RIC1: variants seen among roughly 807,000 people sequenced by gnomAD.
The protein encoded by RIC1 is guanine nucleotide exchange factor subunit RIC1.
Under a neutral mutation model 169.0 loss-of-function variants are expected in RIC1, and 88 were observed. The observed-to-expected ratio is 0.52, with a 90% confidence interval of 0.44 to 0.62. The LOEUF is 0.62. Ranked by LOEUF, RIC1 falls within the 20% of genes least tolerant of loss-of-function variation. The probability of loss-of-function intolerance (pLI) is 0.00; values close to 1 mark genes in which losing one functional copy is unlikely to be tolerated. For missense variants in RIC1, 1,877 were observed against 1,725.5 expected, an observed-to-expected ratio of 1.09 and a Z score of -1.56; for synonymous variants, 790 against 601.5, an observed-to-expected ratio of 1.31 and a Z score of -4.59.
In RIC1 at chr9:5,773,957, G is replaced by T; in HGVS notation, c.3984-1G>T. On this transcript the variant is annotated splice_acceptor_variant, in intron 25 of 25. Coordinates refer to ENST00000414202, the MANE Select transcript of RIC1 (RefSeq NM_020829.4). LOFTEE classifies it high-confidence loss of function. The stretch of plus-strand genomic sequence containing the variant: ...AGCTAATGTTTTTTTTCTCTACATA[G>T]TCCTGGATATAAGCCATTTTTAAAC... The T allele has an allele frequency of 6.3e-7, 1 of 1,594,146 alleles. No individual in the cohort carries two copies. The highest frequency in any genetic ancestry group is 1.8e-5 in the Admixed American group (1 of 56,562).
chr9:5,680,788 C>G (rs1820773772), intron 2 of RIC1, among the ~76,000 whole-genome samples: 1 of 145,948 alleles, frequency 6.9e-6, no homozygotes, highest in East Asian at 2.0e-4. Flanking sequence ...GTTGATCTTT[C>G]CAGAACACCA....
chr9:5,645,813 T>G (rs1322359767), intron 1 of RIC1, among the ~76,000 whole-genome samples: 2 of 152,200 alleles, frequency 1.3e-5, no homozygotes, highest in Non-Finnish European at 2.9e-5. Flanking sequence ...GATGGACACA[T>G]GGGCTGCTTT....
At chr9:5,640,840 C>G (rs188927023) in intron 1 of RIC1, among the ~76,000 whole-genome samples, 10 of 152,214 alleles carry the variant, frequency 6.6e-5, no homozygotes, top group African/African-American at 2.2e-4. Context: ...CTCCTTCATG[C>G]TTGAAGGATA....
intron 8 of RIC1, among the ~76,000 whole-genome samples, chr9:5,741,115 T>C (rs1412035901): frequency 6.6e-6 from 1 of 152,212 alleles, no homozygotes; most frequent in Non-Finnish European, 1.5e-5. Flanking sequence ...GTGTGCTGTT[T>C]TGGATTGGCA....
intron 24 of RIC1, 51 bp downstream of exon 24, chr9:5,772,792 G>C: frequency 6.4e-7 from 1 of 1,565,096 alleles, no homozygotes; most frequent in East Asian, 2.3e-5. Context: ...AGAGTATTTG[G>C]GCAAATAGGT....
Position 5,763,943 on chromosome 9 carries a change from A to C in RIC1, c.2841+75A>C. 3 of 1,460,652 alleles carry C rather than the reference A, an allele frequency of 2.1e-6. No homozygotes were observed. The highest frequency in any genetic ancestry group is 1.8e-6 in the Non-Finnish European group (2 of 1,084,502). 90.5% of individuals were successfully genotyped at this position (1,460,652 alleles called of 1,614,324 possible). ...AGAAAAATAGAAATGTCCTGTTTTG[A>C]CACCATGATTGTGTTTAAGGAATTC... On this transcript the variant is annotated intron_variant, in intron 19 of 25. Transcript: ENST00000414202. This position sits in a 1 kb window ranked among gnomAD's most constrained non-coding sequence, Gnocchi z 5.2.
At chr9:5,684,699 C>T (rs879507095) in intron 2 of RIC1, among the ~76,000 whole-genome samples, 5 of 152,042 alleles carry the variant, frequency 3.3e-5, no homozygotes, top group Non-Finnish European at 5.9e-5. Flanking sequence ...AATTTATATA[C>T]CTTTTCTTTT....
chr9:5,630,373 G>A (rs1468187047), intron 1 of RIC1, among the ~76,000 whole-genome samples: 1 of 152,232 alleles, frequency 6.6e-6, no homozygotes, highest in Non-Finnish European at 1.5e-5. Flanking sequence ...CGATGTCAGA[G>A]TGAAGTTTTT....
chr9:5,638,325 G>T (rs1286797054), intron 1 of RIC1, among the ~76,000 whole-genome samples: 2 of 152,154 alleles, frequency 1.3e-5, no homozygotes, highest in Non-Finnish European at 2.9e-5. Context: ...ATGTGTCTTT[G>T]TCTGGGTTTG....
intron 3 of RIC1, among the ~76,000 whole-genome samples, chr9:5,710,020 A>T (rs1439441451): frequency 6.6e-6 from 1 of 152,180 alleles, no homozygotes; most frequent in African/African-American, 2.4e-5. Context: ...GCTGAAATAA[A>T]ATTCCCATCT....
intron 1 of RIC1, among the ~76,000 whole-genome samples, chr9:5,645,740 A>G (rs1818475523): frequency 6.6e-6 from 1 of 152,118 alleles, no homozygotes; most frequent in African/African-American, 2.4e-5. Flanking sequence ...CTTCCTTCTT[A>G]AGGCTGAATG....
intron 4 of RIC1, among the ~76,000 whole-genome samples, chr9:5,714,233 ATTTATAT>A (rs1351844598): frequency 2.0e-5 from 3 of 152,170 alleles, no homozygotes; most frequent in Non-Finnish European, 4.4e-5. Context: ...TTATTTTGAA[ATTTATAT>A]TTTATAAGGT....
At chr9:5,727,423 T>C (rs1824066109) in intron 6 of RIC1, among the ~76,000 whole-genome samples, 1 of 152,246 alleles carries the variant, frequency 6.6e-6, no homozygotes, top group Non-Finnish European at 1.5e-5. Flanking sequence ...CTGTTTATTC[T>C]AGTTAGCCAT....
intron 1 of RIC1, among the ~76,000 whole-genome samples, chr9:5,656,130 A>G (rs1819084289): frequency 6.6e-6 from 1 of 152,142 alleles, no homozygotes; most frequent in Admixed American, 6.5e-5. Flanking sequence ...ATGGCCTCCC[A>G]AAGTGCTGGG....
At chr9:5,645,115 C>T (rs963135001) in intron 1 of RIC1, among the ~76,000 whole-genome samples, 2 of 152,030 alleles carry the variant, frequency 1.3e-5, no homozygotes, top group African/African-American at 4.8e-5. Context: ...AAACAGTGAT[C>T]TGATCTTGGG....
intron 23 of RIC1, among the ~76,000 whole-genome samples, chr9:5,772,035 T>G (rs1827258384): frequency 6.6e-6 from 1 of 152,220 alleles, no homozygotes; most frequent in South Asian, 2.1e-4. Flanking sequence ...GTATTCAGAT[T>G]TCTAATTGTT....
In RIC1 at chr9:5,672,992, G is replaced by A. The variant is rs555037971; in HGVS notation, c.252+16302G>A. ...ATCTCGGTTAAGTAACGGTATGTTC[G>A]GATAATTTATTTCGTTTAATAAGGG... On this transcript the variant is annotated intron_variant, in intron 2 of 25. Transcript: ENST00000414202. Among the ~76,000 whole-genome samples the A allele has an allele frequency of 8.5e-5, 13 of 152,104 alleles. No homozygotes were observed. In the South Asian group the frequency reaches 1.2e-3, roughly 15 times the overall value.
At chr9:5,734,048 A>G (rs1824540714) in intron 7 of RIC1, among the ~76,000 whole-genome samples, 1 of 147,142 alleles carries the variant, frequency 6.8e-6, no homozygotes. Flanking sequence ...TTTTAGATAT[A>G]TATATTTAAA....
In RIC1 at chr9:5,630,095, A is replaced by G. The variant is rs149782315; in HGVS notation, c.144+642A>G. 4.1e-3 allele frequency among the ~76,000 whole-genome samples: 627 copies of G among 152,258 alleles called. 3 individuals carry two copies. Among genetic ancestry groups the G allele is most frequent in the African/African-American group, 0.014 (591 of 41,538 alleles). On this transcript the variant is annotated intron_variant, in intron 1 of 25. Transcript: ENST00000414202. ...AGGGGGTTAAAGGAGCGGAAGTAGA[A>G]CTCAAATCTGTCCGCGGAACTCCCA...
Sources: allele counts gnomAD v4.1 joint callset (sites outside exome capture counted in the v4.1 genomes callset), GRCh38; gene constraint gnomAD v4.1.1; non-coding constraint Gnocchi (gnomAD v3.1); transcripts MANE v1.5; gene names NCBI Gene and HGNC (gene_info 2026-07-23, HGNC 2026-07-21).